The following HVCN1 variants were observed in gnomAD, a reference collection of about 807,000 sequenced individuals.
HVCN1 encodes hydrogen voltage gated channel 1.
In HVCN1, 14 loss-of-function variants were observed where a neutral mutation model predicts 29.2. The observed-to-expected ratio is 0.48, with a 90% CI of 0.32 to 0.75. The LOEUF is 0.75. HVCN1 is among the 30% of genes least tolerant of loss of function. The pLI is 0.04. For missense variants in HVCN1, 263 were observed against 341.8 expected, an observed-to-expected ratio of 0.77 and a Z score of 1.82; for synonymous variants, 131 against 133.2, an observed-to-expected ratio of 0.98 and a Z score of 0.11.
At position 110,683,207 on chromosome 12, in the gene HVCN1, G is replaced by A. The variant is rs761371700; in HGVS notation, c.21+18C>T. 10 of 1,613,770 alleles carry A rather than the reference G, an allele frequency of 6.2e-6. No homozygotes were observed. Among genetic ancestry groups the A allele is most frequent in the Non-Finnish European group, 6.8e-6 (8 of 1,179,908 alleles). ...GCTGGGATATCCTCTAATGCTGCAA[G>A]ACCACAGAATCCATTACCTTTTCGT... is the stretch of plus-strand genomic sequence containing the variant. On this transcript the variant is annotated intron_variant, in intron 3 of 7. Coordinates refer to ENST00000242607, the MANE Select transcript of HVCN1 (RefSeq NM_032369.4).
rs1593502595 is a variant in HVCN1, at chr12:110,676,053, G to A, written c.21+7172C>T. ...GTGGACAGTCCACAGACTTGCAGCT[G>A]GGTGTGCTGCTTCCTGGTCCAGGGT... On this transcript the variant is annotated intron_variant, in intron 3 of 7. Transcript: ENST00000242607. This position sits in a 1 kb window ranked among gnomAD's most constrained non-coding sequence, Gnocchi z 4.1. Among the ~76,000 whole-genome samples, 1 of 152,222 alleles carries A rather than the reference G, an allele frequency of 6.6e-6. No individual in the cohort carries two copies. The highest frequency in any genetic ancestry group is 2.1e-4 in the South Asian group (1 of 4,834).
intron 3 of HVCN1, among the ~76,000 whole-genome samples, chr12:110,678,461 T>C (rs2068828178): frequency 1.5e-5 from 2 of 129,240 alleles, no homozygotes; most frequent in South Asian, 5.1e-4. Context: ...TTTTTTTTTT[T>C]TTTTTTTGAG....
intron 1 of HVCN1, among the ~76,000 whole-genome samples, chr12:110,704,425 G>C (rs1021727709): frequency 7.2e-5 from 11 of 152,054 alleles, no homozygotes; most frequent in Non-Finnish European, 1.3e-4. Context: ...GATGCGGGCA[G>C]ATTGCTTAAG....
intron 4 of HVCN1, among the ~76,000 whole-genome samples, chr12:110,659,649 T>A (rs1207210387): frequency 6.6e-6 from 1 of 152,192 alleles, no homozygotes; most frequent in African/African-American, 2.4e-5. Context: ...CTGTGTATGG[T>A]GGCTCACGCC....
At chr12:110,690,935 A>C (rs1341306227), upstream of HVCN1, among the ~76,000 whole-genome samples, 3 of 147,446 alleles carry the variant, frequency 2.0e-5, no homozygotes, top group Non-Finnish European at 4.5e-5. Flanking sequence ...TTGTTTTTTT[A>C]GTAGAGACAG....
rs144909236 is a variant in HVCN1, at chr12:110,664,959, T to C, written c.22-3511A>G. Among the ~76,000 whole-genome samples, 617 of 152,236 alleles carry C rather than the reference T, an allele frequency of 4.1e-3. 4 individuals are homozygous for C. The highest frequency in any genetic ancestry group is 0.014 in the African/African-American group (589 of 41,532). On this transcript the variant is annotated intron_variant, in intron 3 of 7. Coordinates refer to ENST00000242607, the MANE Select transcript of HVCN1 (RefSeq NM_032369.4). ...CAACAGCCAGAGTAGAGAGACCTCA[T>C]TGAACACCCTAAGCATTCAACAGAA...
intron 2 of HVCN1, among the ~76,000 whole-genome samples, chr12:110,701,089 C>T (rs974848020): frequency 5.9e-5 from 9 of 152,196 alleles, no homozygotes; most frequent in Admixed American, 2.0e-4. Context: ...AAACAGAGGC[C>T]GCATCTGGTC....
In HVCN1 at chr12:110,666,667, C is replaced by T. The variant is rs117650728; in HGVS notation, c.22-5219G>A. 6.9e-3 allele frequency among the ~76,000 whole-genome samples: 1,054 copies of T among 152,306 alleles called. 8 individuals carry two copies. The highest frequency in any genetic ancestry group is 0.012 in the Non-Finnish European group (788 of 68,018). ...ACCCTTCTGTCCCTCTGATGCTCCA[C>T]ACTGAGCCATCACACAGGCTGTTCC... is the stretch of plus-strand genomic sequence containing the variant. On this transcript the variant is annotated intron_variant, in intron 3 of 7. Transcript: ENST00000242607.
chr12:110,700,227 C>A (rs776318149), intron 2 of HVCN1, among the ~76,000 whole-genome samples: 2 of 152,202 alleles, frequency 1.3e-5, no homozygotes, highest in Non-Finnish European at 2.9e-5. Flanking sequence ...TCTTTGGGAA[C>A]CTGCCAGTTA....
chr12:110,678,449 T>C (rs894060345), intron 3 of HVCN1, among the ~76,000 whole-genome samples: 3 of 108,678 alleles, frequency 2.8e-5, no homozygotes, highest in Non-Finnish European at 3.6e-5. Context: ...CTTTTTTTTT[T>C]TTTTTTTTTT....
rs369638051 is a variant in HVCN1 at position 110,651,325 on chromosome 12, C to T, written c.535G>A (p.Val179Met). The stretch of plus-strand genomic sequence containing the variant: ...ACAATGTCGAGGATGAATGAGACCA[C>T]CACCACGACGGCATCCAGGATCTCA... ...KFEILDAVVVVVSFILDIVLL... is the reference protein window; with the variant it reads ...KFEILDAVVVMVSFILDIVLL... Residue 179 changes from valine to methionine, a missense_variant, in exon 6 of 8, where the codon GTG becomes ATG. Val to Met is a conservative substitution (Grantham distance 21). Coordinates refer to ENST00000242607, the MANE Select transcript of HVCN1 (RefSeq NM_032369.4). The T allele has an allele frequency of 2.5e-6, 4 of 1,613,838 alleles. No individual in the cohort carries two copies. The South Asian group carries it at 3.3e-5, about 13-fold the overall frequency.
intron 3 of HVCN1, among the ~76,000 whole-genome samples, chr12:110,681,871 C>G (rs1351510600): frequency 1.3e-5 from 2 of 152,126 alleles, no homozygotes; most frequent in African/African-American, 4.8e-5. Flanking sequence ...CAATGCCCCC[C>G]AAATCCAACA....
intron 2 of HVCN1, among the ~76,000 whole-genome samples, chr12:110,699,335 T>C (rs2069538387): frequency 6.6e-6 from 1 of 152,004 alleles, no homozygotes; most frequent in Non-Finnish European, 1.5e-5. Context: ...CGGGAGCCAA[T>C]GGGAGAGAGA....
At position 110,660,773 on chromosome 12, in the gene HVCN1, A is replaced by G. The variant is rs138774213; in HGVS notation, c.306+391T>C. ...TGCCTGTTCTAGATGTTTTGTATCA[A>G]TGGAATCCTACACTCTGGCCTTTTG... On this transcript the variant is annotated intron_variant, in intron 4 of 7. Transcript: ENST00000242607. Among the ~76,000 whole-genome samples, 921 of 152,280 alleles carry G rather than the reference A, an allele frequency of 6.0e-3. 14 individuals carry two copies. Among genetic ancestry groups the G allele is most frequent in the African/African-American group, 0.02 (843 of 41,554 alleles).
chr12:110,655,196 C>A (rs1566029506), intron 5 of HVCN1, 38 bp downstream of exon 5: 1 of 1,506,382 alleles, frequency 6.6e-7, no homozygotes, highest in South Asian at 1.1e-5. Context: ...ACAAGCAAAA[C>A]ATATCAGTAA....
intron 2 of HVCN1, among the ~76,000 whole-genome samples, chr12:110,685,629 A>G (rs866653369): frequency 2.0e-5 from 3 of 151,796 alleles, no homozygotes; most frequent in South Asian, 4.2e-4. Context: ...GTTGTTTCCA[A>G]TCTCCTCCCA....
intron 2 of HVCN1, among the ~76,000 whole-genome samples, chr12:110,701,126 C>T (rs2069559775): frequency 6.7e-6 from 1 of 150,146 alleles, no homozygotes. Context: ...TCCAGCTGCG[C>T]CCAGTGCTAC....
intron 3 of HVCN1, among the ~76,000 whole-genome samples, chr12:110,667,999 G>A (rs1353962114): frequency 6.6e-6 from 1 of 152,128 alleles, no homozygotes; most frequent in African/African-American, 2.4e-5. Context: ...CCAGAAAAGG[G>A]CAAAGATAGG....
chr12:110,657,267 G>T (rs1283486917), intron 4 of HVCN1, among the ~76,000 whole-genome samples: 1 of 152,130 alleles, frequency 6.6e-6, no homozygotes, highest in African/African-American at 2.4e-5. Context: ...GCAGAGGCGG[G>T]CAGATCACCT....
Sources: gnomAD v4.1 joint callset for allele counts (sites outside exome capture counted in the v4.1 genomes callset) on GRCh38, gnomAD v4.1.1 for gene constraint, Gnocchi (gnomAD v3.1) non-coding constraint, MANE v1.5 for transcripts, NCBI Gene and HGNC (gene_info 2026-07-23, HGNC 2026-07-21) for gene names.